The following TPD52L1 variants were observed in gnomAD, a reference collection of about 807,000 sequenced individuals.
TPD52L1 encodes TPD52 like 1.
In TPD52L1, 18 loss-of-function variants were observed where a neutral mutation model predicts 28.7. The observed-to-expected ratio is 0.63, with a 90% CI of 0.43 to 0.93. The LOEUF (loss-of-function observed/expected upper bound fraction) is 0.93. Among genes scored for constraint, TPD52L1 ranks in the 40% least tolerant of loss-of-function variants. TPD52L1 has a pLI of 0.00. For missense variants in TPD52L1, 203 were observed against 254.8 expected, an observed-to-expected ratio of 0.80 and a Z score of 1.39; for synonymous variants, 75 against 88.8, an observed-to-expected ratio of 0.84 and a Z score of 0.88.
intron 3 of TPD52L1, among the ~76,000 whole-genome samples, chr6:125,240,407 G>A (rs1354058437): frequency 6.6e-6 from 1 of 152,074 alleles, no homozygotes; most frequent in Non-Finnish European, 1.5e-5. Context: ...TCTGTAGATT[G>A]CTATTGGCAG....
chr6:125,196,878 C>T (rs1793478388), intron 1 of TPD52L1, among the ~76,000 whole-genome samples: 1 of 152,156 alleles, frequency 6.6e-6, no homozygotes, highest in Non-Finnish European at 1.5e-5. Context: ...ATTGGAATTC[C>T]TCTCCCATAG....
intron 1 of TPD52L1, among the ~76,000 whole-genome samples, chr6:125,181,854 G>A (rs970015501): frequency 6.6e-6 from 1 of 152,218 alleles, no homozygotes; most frequent in Non-Finnish European, 1.5e-5. Flanking sequence ...GAGCAAGTCA[G>A]TATTAGATTC....
At chr6:125,203,139 G>A (rs952627648) in intron 1 of TPD52L1, among the ~76,000 whole-genome samples, 1 of 152,138 alleles carries the variant, frequency 6.6e-6, no homozygotes, top group African/African-American at 2.4e-5. Context: ...GTGGGATACA[G>A]AGAGAAGGAT....
chr6:125,177,513 A>T (rs1465097560), intron 1 of TPD52L1, among the ~76,000 whole-genome samples: 1 of 152,160 alleles, frequency 6.6e-6, no homozygotes, highest in Non-Finnish European at 1.5e-5. Context: ...GGATGAGGAG[A>T]TTGGCCTGAG....
chr6:125,253,904 G>A, intron 5 of TPD52L1, 149 bp downstream of exon 5: 1 of 832,576 alleles, frequency 1.2e-6, no homozygotes, highest in Non-Finnish European at 2.1e-6. Context: ...TTCTGTGGAA[G>A]AATTGCGTAG....
chr6:125,197,503 G>T (rs1314337609), intron 1 of TPD52L1, among the ~76,000 whole-genome samples: 1 of 151,958 alleles, frequency 6.6e-6, no homozygotes, highest in Non-Finnish European at 1.5e-5. Flanking sequence ...GGAAATGTTT[G>T]CCCCCAGATC....
In TPD52L1 at chr6:125,153,984, G is replaced by T; in HGVS notation, c.19+14G>T. On this transcript the variant is annotated intron_variant, in intron 1 of 6. Transcript: ENST00000534000. ...CGCAGGCACAAGGTGAGTGGTCGCC[G>T]ATCGCCCCGAGAGTCAGGTCCTGGG... 6 of 1,605,510 alleles carry T rather than the reference G, an allele frequency of 3.7e-6. No individual in the cohort carries two copies. Among genetic ancestry groups the T allele is most frequent in the Non-Finnish European group, 5.1e-6 (6 of 1,177,218 alleles).
At position 125,196,866 on chromosome 6, in the gene TPD52L1, G is replaced by A. The variant is rs553697053; in HGVS notation, c.20-23212G>A. 2.0e-5 allele frequency among the ~76,000 whole-genome samples: 3 copies of A among 152,238 alleles called. No individual in the cohort carries two copies. In the South Asian group the frequency reaches 6.2e-4, roughly 32 times the overall value. On this transcript the variant is annotated intron_variant, in intron 1 of 6. Coordinates refer to ENST00000534000, the MANE Select transcript of TPD52L1 (RefSeq NM_003287.4). The stretch of plus-strand genomic sequence containing the variant: ...TCAGAGCCAATTAGTTGCAGATCCA[G>A]CATTGGAATTCCTCTCCCATAGTAT...
intron 1 of TPD52L1, among the ~76,000 whole-genome samples, chr6:125,172,549 T>A (rs1362034949): frequency 1.3e-4 from 12 of 92,046 alleles, no homozygotes; most frequent in African/African-American, 5.4e-4. Flanking sequence ...TATATATATA[T>A]ATAATATATA....
At chr6:125,215,471 G>T (rs1055718530) in intron 1 of TPD52L1, among the ~76,000 whole-genome samples, 2 of 152,198 alleles carry the variant, frequency 1.3e-5, no homozygotes, top group African/African-American at 2.4e-5. Context: ...GGGACAAGAT[G>T]TAACAGGGAA....
At chr6:125,181,559 C>T (rs1245532688) in intron 1 of TPD52L1, among the ~76,000 whole-genome samples, 2 of 152,178 alleles carry the variant, frequency 1.3e-5, no homozygotes, top group African/African-American at 2.4e-5. Context: ...GTGTTTTACA[C>T]GAGTACTGAG....
chr6:125,200,288 T>C (rs1793721763), intron 1 of TPD52L1, among the ~76,000 whole-genome samples: 1 of 152,232 alleles, frequency 6.6e-6, no homozygotes, highest in South Asian at 2.1e-4. Context: ...CAAGATTGTC[T>C]ATAATTGCAC....
In TPD52L1 at chr6:125,192,517, G is replaced by C. The variant is rs17052829; in HGVS notation, c.20-27561G>C. Among the ~76,000 whole-genome samples, 1,076 of 152,138 alleles carry C rather than the reference G, an allele frequency of 7.1e-3. 16 individuals are homozygous for C. The highest frequency in any genetic ancestry group is 0.025 in the African/African-American group (1,038 of 41,504). On this transcript the variant is annotated intron_variant, in intron 1 of 6. Transcript: ENST00000534000. ...CCAGGGGTTGTGCTGTTGCCAGAGA[G>C]CCCTTGATTTTATCTGCCCGCAAGT...
intron 3 of TPD52L1, among the ~76,000 whole-genome samples, chr6:125,244,365 C>A (rs1249143390): frequency 6.6e-6 from 1 of 152,106 alleles, no homozygotes; most frequent in African/African-American, 2.4e-5. Flanking sequence ...GGGCTGAGGT[C>A]CCAGCCTTGA....
At chr6:125,184,843 G>GA (rs990220687) in intron 1 of TPD52L1, among the ~76,000 whole-genome samples, 12 of 148,076 alleles carry the variant, frequency 8.1e-5, no homozygotes, top group East Asian at 5.9e-4. Flanking sequence ...TATAAAATAA[G>GA]AAAAAAAAAT....
intron 1 of TPD52L1, among the ~76,000 whole-genome samples, chr6:125,206,682 A>G (rs1283774358): frequency 6.6e-6 from 1 of 152,212 alleles, no homozygotes; most frequent in African/African-American, 2.4e-5. Flanking sequence ...TGATTATATA[A>G]GAATTTTCAA....
chr6:125,219,763 T>C (rs1562311283), intron 1 of TPD52L1: 2 of 381,396 alleles, frequency 5.2e-6, no homozygotes, highest in East Asian at 6.3e-5. Context: ...CCTCTGCCCT[T>C]ACGCCTCATG....
chr6:125,236,465 A>T (rs1796266563), intron 3 of TPD52L1, among the ~76,000 whole-genome samples: 1 of 152,212 alleles, frequency 6.6e-6, no homozygotes, highest in Non-Finnish European at 1.5e-5. Flanking sequence ...TTATGCATTA[A>T]ATTCAGAATG....
chr6:125,168,484 C>G (rs1791060170), intron 1 of TPD52L1, among the ~76,000 whole-genome samples: 1 of 152,020 alleles, frequency 6.6e-6, no homozygotes, highest in African/African-American at 2.4e-5. Flanking sequence ...TGTCCTACAC[C>G]TGCCTCTGTA....
Sources: gnomAD v4.1 joint callset for allele counts (sites outside exome capture counted in the v4.1 genomes callset) on GRCh38, gnomAD v4.1.1 for gene constraint, MANE v1.5 for transcripts, NCBI Gene and HGNC (gene_info 2026-07-23, HGNC 2026-07-21) for gene names.